The following ADRA1D variants were observed in gnomAD, a reference collection of about 807,000 sequenced individuals.
The protein encoded by ADRA1D is adrenoceptor alpha 1D, also known as alpha-1D adrenergic receptor.
A neutral mutation model predicts 18.6 loss-of-function variants in ADRA1D; 22 were observed. The ratio of observed to expected loss-of-function variants is 1.19; its 90% CI spans 0.85 to 1.69. The LOEUF (loss-of-function observed/expected upper bound fraction) is 1.69, where lower values mean the gene tolerates loss of function less well. Ranked by LOEUF, ADRA1D falls within the 40% of genes most tolerant of loss-of-function variation. The pLI is 0.00. For missense variants in ADRA1D, 840 were observed against 840.7 expected, an observed-to-expected ratio of 1.00 and a Z score of 0.01; for synonymous variants, 376 against 388.2, an observed-to-expected ratio of 0.97 and a Z score of 0.37.
intron 1 of ADRA1D, among the ~76,000 whole-genome samples, chr20:4,236,217 A>T (rs4815670): frequency 6.6e-6 from 1 of 152,178 alleles, no homozygotes; most frequent in Non-Finnish European, 1.5e-5. Context: ...CTTTGGTCAT[A>T]TTACTCAACC....
chr20:4,246,012 T>C (rs1287844463), intron 1 of ADRA1D, among the ~76,000 whole-genome samples: 1 of 152,172 alleles, frequency 6.6e-6, no homozygotes, highest in South Asian at 2.1e-4. Context: ...TAGGCATGAT[T>C]ACCATCACCC....
chr20:4,230,883 C>T (rs73610168), intron 1 of ADRA1D, among the ~76,000 whole-genome samples: 1 of 152,156 alleles, frequency 6.6e-6, no homozygotes, highest in African/African-American at 2.4e-5. Context: ...GGTGTCTCCC[C>T]ACCCAGCCTG....
At chr20:4,238,030 T>C (rs1981136547) in intron 1 of ADRA1D, among the ~76,000 whole-genome samples, 1 of 150,336 alleles carries the variant, frequency 6.7e-6, no homozygotes, top group East Asian at 2.0e-4. Flanking sequence ...GGCGGATCAC[T>C]TGAGGTCAGG....
intron 1 of ADRA1D, among the ~76,000 whole-genome samples, chr20:4,227,708 T>TCCCTCCCTCCCTCCC (rs1980844986): frequency 3.0e-5 from 1 of 33,046 alleles, no homozygotes; most frequent in Non-Finnish European, 5.5e-5. Context: ...CCCTCCCTCC[T>TCCCTCCCTCCCTCCC]TCCTTCCTTC....
At chr20:4,231,045 T>TCTTTCTTTCTTTCTTTCTTTCTTTCTTC (rs1568764606) in intron 1 of ADRA1D, among the ~76,000 whole-genome samples, 2 of 74,134 alleles carry the variant, frequency 2.7e-5, no homozygotes, top group African/African-American at 1.1e-4. Flanking sequence ...TCTTTTTCTT[T>TCTTTCTTTCTTTCTTTCTTTCTTTCTTC]CTTTCTTTCT....
chr20:4,241,042 T>C (rs1981199960), intron 1 of ADRA1D, among the ~76,000 whole-genome samples: 1 of 149,714 alleles, frequency 6.7e-6, no homozygotes, highest in African/African-American at 2.4e-5. Context: ...CTGTTAAAGA[T>C]TTTTTTTTTA....
chr20:4,240,094 A>G (rs1981178926), intron 1 of ADRA1D, among the ~76,000 whole-genome samples: 1 of 152,180 alleles, frequency 6.6e-6, no homozygotes, highest in African/African-American at 2.4e-5. Flanking sequence ...TCCAGGCCAA[A>G]TCTGCACCCA....
At position 4,248,779 on chromosome 20, in the gene ADRA1D, C is replaced by T. The variant is rs1981423521; in HGVS notation, c.179G>A (p.Gly60Asp). 1.1e-5 allele frequency: 14 copies of T among 1,227,294 alleles called. No homozygotes were observed. The highest frequency in any genetic ancestry group is 1.4e-5 in the Non-Finnish European group (14 of 984,826). The allele number at this position is 1,227,294 out of a possible 1,614,324, so 76.0% of individuals were successfully genotyped here. A position where few individuals can be genotyped will look rare whatever the true frequency, so the allele number is the denominator to read the frequency against. ...GGAGCTCCGGTTGTCCTCGCCGCTG[C>T]CTGCGCCCACCACGCCGCCGCCGCC... ...AGGGGGVVGAGSGEDNRSSAG... is the reference protein window; with the variant it reads ...AGGGGGVVGADSGEDNRSSAG... Residue 60 changes from glycine to aspartate, a missense_variant, in exon 1 of 2, where the codon GGC (glycine) becomes GAC (aspartate). Gly to Asp is a moderately conservative substitution (Grantham distance 94). Coordinates refer to ENST00000379453, the MANE Select transcript of ADRA1D (RefSeq NM_000678.4).
intron 1 of ADRA1D, among the ~76,000 whole-genome samples, chr20:4,228,486 A>G (rs1473721361): frequency 6.6e-6 from 1 of 152,236 alleles, no homozygotes; most frequent in African/African-American, 2.4e-5. Context: ...TGTGATACAA[A>G]GAGTCCAAGA....
In ADRA1D at chr20:4,248,967, C is replaced by A; in HGVS notation, c.-10G>T. 7.4e-7 allele frequency: 1 copy of A among 1,348,384 alleles called. No individual in the cohort carries two copies. The allele number at this position is 1,348,384 out of a possible 1,614,324, so 83.5% of individuals were successfully genotyped here. Reference sequence around the variant, plus strand: ...GATCGCGGAAAGTCATCTCAACGCGCGGCCGTCGGTGGCCGGGCCGGGGCA... The same window carrying A: ...GATCGCGGAAAGTCATCTCAACGCGAGGCCGTCGGTGGCCGGGCCGGGGCA... On this transcript the variant is annotated 5_prime_UTR_variant, in exon 1 of 2. Coordinates refer to ENST00000379453, the MANE Select transcript of ADRA1D (RefSeq NM_000678.4).
chr20:4,248,167 T>C lies in ADRA1D; in HGVS notation c.791A>G (p.Tyr264Cys), dbSNP rs758395471. The C allele has an allele frequency of 6.3e-7, 1 of 1,583,418 alleles. No homozygotes were observed. The highest frequency in any genetic ancestry group is 8.6e-7 in the Non-Finnish European group (1 of 1,164,780). Residue 264 changes from tyrosine to cysteine, a missense_variant, in exon 1 of 2, where the codon TAC (tyrosine) becomes TGC (cysteine). Coordinates refer to ENST00000379453, the MANE Select transcript of ADRA1D (RefSeq NM_000678.4). The stretch of plus-strand genomic sequence containing the variant: ...GACCACGATGACCGCCATGGGCAGG[T>C]AGAAGGAGCACACGGAGGAGAAGAC... ...YAVFSSVCSFYLPMAVIVVMY... is the reference protein window; with the variant it reads ...YAVFSSVCSFCLPMAVIVVMY...
chr20:4,243,659 G>A (rs954859090), intron 1 of ADRA1D, among the ~76,000 whole-genome samples: 1 of 152,120 alleles, frequency 6.6e-6, no homozygotes, highest in East Asian at 1.9e-4. Flanking sequence ...ACCACGGAAC[G>A]TGGGCAGGAG....
chr20:4,227,117 C>T (rs1320043969), intron 1 of ADRA1D, among the ~76,000 whole-genome samples: 2 of 152,350 alleles, frequency 1.3e-5, no homozygotes, highest in Middle Eastern at 3.4e-3. Flanking sequence ...GCACTTGGCT[C>T]ACAGGCCTTG....
Position 4,221,701 on chromosome 20 carries a change from A to G in ADRA1D, c.1541T>C (p.Val514Ala), listed in dbSNP as rs546988171. 4.1e-4 allele frequency: 659 copies of G among 1,610,926 alleles called. No individual in the cohort carries two copies. The highest frequency in any genetic ancestry group is 5.5e-4 in the Non-Finnish European group (647 of 1,179,450). Residue 514 changes from valine to alanine, a missense_variant, in exon 2 of 2, where the codon GTC becomes GCC. Physicochemically the swap from Val to Ala is moderately conservative, Grantham distance 64. Coordinates refer to ENST00000379453, the MANE Select transcript of ADRA1D (RefSeq NM_000678.4). ...RRPTTQLRAK[V>A]SSLSHKIRAG... ...GCGGATCTTGTGCGACAGGCTGGAG[A>G]CTTTGGCGCGCAGCTGGGTCGTGGG...
chr20:4,248,973 T>C lies in ADRA1D; in HGVS notation c.-16A>G. 1 of 1,336,282 alleles carries C rather than the reference T, an allele frequency of 7.5e-7. No individual in the cohort carries two copies. The highest frequency in any genetic ancestry group is 9.7e-7 in the Non-Finnish European group (1 of 1,032,712). 82.8% of individuals were successfully genotyped at this position (1,336,282 alleles called of 1,614,324 possible). A position where few individuals can be genotyped will look rare whatever the true frequency, so the allele number is the denominator to read the frequency against. The stretch of plus-strand genomic sequence containing the variant: ...GGAAAGTCATCTCAACGCGCGGCCG[T>C]CGGTGGCCGGGCCGGGGCACAGAAC... On this transcript the variant is annotated 5_prime_UTR_variant, in exon 1 of 2. Coordinates refer to ENST00000379453, the MANE Select transcript of ADRA1D (RefSeq NM_000678.4).
intron 1 of ADRA1D, among the ~76,000 whole-genome samples, chr20:4,225,704 C>T (rs969113157): frequency 1.3e-5 from 2 of 152,134 alleles, no homozygotes; most frequent in African/African-American, 4.8e-5. Context: ...GTGTGAGCCA[C>T]CGTGCCTGGT....
Position 4,249,099 on chromosome 20 carries a change from C to T in ADRA1D, c.-142G>A, listed in dbSNP as rs908080015. 13 of 662,650 alleles carry T rather than the reference C, an allele frequency of 2.0e-5. No individual in the cohort carries two copies. The highest frequency in any genetic ancestry group is 5.9e-5 in the Admixed American group (1 of 16,872). The allele number at this position is 662,650 out of a possible 1,614,324, so 41.0% of individuals were successfully genotyped here. On this transcript the variant is annotated 5_prime_UTR_variant, in exon 1 of 2. Transcript: ENST00000379453. ...GGGTCCTGCCCAAGTTCCTGTGACG[C>T]GGAGCGCGGCTGTCCGAGAGCGGAG...
chr20:4,236,582 G>A (rs944364700), intron 1 of ADRA1D, among the ~76,000 whole-genome samples: 1 of 152,182 alleles, frequency 6.6e-6, no homozygotes, highest in Non-Finnish European at 1.5e-5. Flanking sequence ...AGAGGACCGA[G>A]CCCCTGTGGC....
intron 1 of ADRA1D, among the ~76,000 whole-genome samples, chr20:4,243,524 T>C (rs1288438471): frequency 6.6e-6 from 1 of 152,184 alleles, no homozygotes; most frequent in African/African-American, 2.4e-5. Context: ...GTCACTACGT[T>C]CTATCTCCAA....
Sources: allele counts gnomAD v4.1 joint callset (sites outside exome capture counted in the v4.1 genomes callset), GRCh38; gene constraint gnomAD v4.1.1; transcripts MANE v1.5; gene names NCBI Gene and HGNC (gene_info 2026-07-23, HGNC 2026-07-21).